GPATCH1: variants seen among roughly 807,000 people sequenced by gnomAD.
GPATCH1 encodes the protein G patch domain-containing protein 1.
In GPATCH1, 73 loss-of-function variants were observed where a neutral mutation model predicts 114.9. The observed-to-expected ratio is 0.64, with a 90% CI of 0.53 to 0.77. GPATCH1 has a LOEUF of 0.77. GPATCH1 is among the 30% of genes least tolerant of loss of function. The pLI is 0.00. For synonymous variants in GPATCH1, 391 were observed against 428.4 expected (o/e 0.91, Z 1.08); for missense variants, 1,058 against 1,144.3 (o/e 0.92, Z 1.09).
intron 15 of GPATCH1, 31 bp from the exon 16 acceptor site, chr19:33,117,794 A>G (rs756291850): frequency 4.0e-6 from 6 of 1,512,284 alleles, no homozygotes; most frequent in Non-Finnish European, 5.5e-6. Context: ...TTGCCTCTGT[A>G]TCCCTGACTC....
In GPATCH1 at chr19:33,082,428, A is replaced by G. The variant is rs551811585; in HGVS notation, c.73+1162A>G. On this transcript the variant is annotated intron_variant, in intron 1 of 19. Coordinates refer to ENST00000170564, the MANE Select transcript of GPATCH1 (RefSeq NM_018025.3). ...CCCTCCCTTTTTTCACCCTGACCAC[A>G]TCCTGCCAGGTTGATTGTACTTCTG... Among the ~76,000 whole-genome samples the G allele has an allele frequency of 2.2e-4, 34 of 152,248 alleles. 1 individual carries two copies. The highest frequency in any genetic ancestry group is 1.8e-3 in the Admixed American group (28 of 15,276).
intron 17 of GPATCH1, among the ~76,000 whole-genome samples, chr19:33,123,914 C>T (rs1289206154): frequency 6.6e-6 from 1 of 151,346 alleles, no homozygotes; most frequent in East Asian, 1.9e-4. Context: ...TGGAGTGTAG[C>T]ACGATCTCGG....
In GPATCH1 at chr19:33,111,914, C is replaced by A. The variant is rs1972860002; in HGVS notation, c.1764+12C>A. On this transcript the variant is annotated intron_variant, in intron 12 of 19. Transcript: ENST00000170564. ...CTCGAGACCAAGAGGTCTGTTGTCA[C>A]CATGTCCCTTACCTGGTGAACTTTA... 1 of 1,602,352 alleles carries A rather than the reference C, an allele frequency of 6.2e-7. No individual in the cohort carries two copies. The highest frequency in any genetic ancestry group is 1.7e-5 in the Admixed American group (1 of 59,786).
chr19:33,102,465 C>T lies in GPATCH1; in HGVS notation c.1080+891C>T, dbSNP rs371995984. Among the ~76,000 whole-genome samples the T allele has an allele frequency of 2.4e-4, 35 of 144,056 alleles. 3 individuals are homozygous for T. Among genetic ancestry groups the T allele is most frequent in the African/African-American group, 9.0e-4 (34 of 37,928 alleles). The allele number at this position is 144,056 out of a possible 152,430, so 94.5% of individuals were successfully genotyped here. Reference sequence around the variant, plus strand: ...AGGCTGCAGTGTAGTGATGCAATCTCAGCTCACCGCAACCTCCGCCTCCCA... The same window carrying T: ...AGGCTGCAGTGTAGTGATGCAATCTTAGCTCACCGCAACCTCCGCCTCCCA... On this transcript the variant is annotated intron_variant, in intron 9 of 19. Transcript: ENST00000170564.
At chr19:33,122,196 C>T (rs1416408533) in intron 17 of GPATCH1, among the ~76,000 whole-genome samples, 1 of 151,688 alleles carries the variant, frequency 6.6e-6, no homozygotes. Flanking sequence ...TTAGTAGAGA[C>T]GGGGTTTTAC....
Position 33,090,819 on chromosome 19 carries a change from G to C in GPATCH1, c.248G>C (p.Arg83Thr). 1 of 1,613,480 alleles carries C rather than the reference G, an allele frequency of 6.2e-7. No homozygotes were observed. The highest frequency in any genetic ancestry group is 1.3e-5 in the African/African-American group (1 of 75,014). ...PSTFVSSRQNRADKSVLGPED... is the reference protein window; with the variant it reads ...PSTFVSSRQNTADKSVLGPED... ...ACCTTTGTGTCTTCACGACAGAACA[G>C]AGCAGACAAATCTGTTCTTGGTCCT... The change falls in exon 3 of 20, where the codon AGA becomes ACA. Residue 83 changes from arginine (R) to threonine (T), a missense_variant. Arg to Thr is a moderately conservative substitution (Grantham distance 71, BLOSUM62 -1). This residue lies in a region of GPATCH1 where 131 missense variants were observed against 107.2 expected (regional missense o/e 1.22). Coordinates refer to ENST00000170564, the MANE Select transcript of GPATCH1 (RefSeq NM_018025.3).
Position 33,095,356 on chromosome 19 carries a change from G to A in GPATCH1, c.554-406G>A, listed in dbSNP as rs563839416. Among the ~76,000 whole-genome samples the A allele has an allele frequency of 4.8e-5, 7 of 146,708 alleles. No homozygotes were observed. In the South Asian group the frequency reaches 1.3e-3, roughly 28 times the overall value. On this transcript the variant is annotated intron_variant, in intron 5 of 19. Coordinates refer to ENST00000170564, the MANE Select transcript of GPATCH1 (RefSeq NM_018025.3). ...CGGCTCACTGCAACCTCTGCTTCCCGGTTCAAGCGATTCTCCTGCCTCAGC... is the reference window on the plus strand; with the variant it reads ...CGGCTCACTGCAACCTCTGCTTCCCAGTTCAAGCGATTCTCCTGCCTCAGC...
chr19:33,094,155 A>T lies in GPATCH1; in HGVS notation c.456-17A>T. The T allele has an allele frequency of 7.6e-7, 1 of 1,317,358 alleles. No homozygotes were observed. Among genetic ancestry groups the T allele is most frequent in the Non-Finnish European group, 1.1e-6 (1 of 910,628 alleles). 81.6% of individuals were successfully genotyped at this position (1,317,358 alleles called of 1,614,324 possible). ...TGTTATTTTGAAAAGTTCATTTTCA[A>T]TGCCTTGCTATCCTAGATTATCTGT... On this transcript the variant is annotated splice_polypyrimidine_tract_variant and intron_variant, in intron 4 of 19. Transcript: ENST00000170564.
intron 19 of GPATCH1, 31 bp from the exon 20 acceptor site, chr19:33,130,099 C>T (rs200104150): frequency 2.3e-4 from 363 of 1,597,118 alleles, no homozygotes; most frequent in Non-Finnish European, 2.8e-4. Flanking sequence ...AGCTAACTTT[C>T]CATTTCTCTC....
intron 15 of GPATCH1, among the ~76,000 whole-genome samples, chr19:33,115,400 C>T (rs895827037): frequency 1.3e-5 from 2 of 150,836 alleles, no homozygotes; most frequent in Admixed American, 1.3e-4. Context: ...TATGTAATAT[C>T]ATCTTTATCC....
intron 2 of GPATCH1, 77 bp from the exon 3 acceptor site, chr19:33,090,703 T>C: frequency 2.4e-6 from 2 of 850,690 alleles, no homozygotes; most frequent in Non-Finnish European, 4.0e-6. Flanking sequence ...TTCAAGTCCA[T>C]ACATGTTATT....
intron 17 of GPATCH1, among the ~76,000 whole-genome samples, chr19:33,121,388 C>T (rs1012103416): frequency 6.8e-5 from 10 of 146,256 alleles, no homozygotes; most frequent in African/African-American, 2.0e-4. Flanking sequence ...GGCGCAATCT[C>T]GGCTCACCGC....
intron 11 of GPATCH1, among the ~76,000 whole-genome samples, chr19:33,110,830 G>A (rs1036844081): frequency 2.0e-5 from 3 of 151,664 alleles, no homozygotes; most frequent in Non-Finnish European, 4.4e-5. Context: ...TTCAATAAAA[G>A]CATCATTTTG....
intron 19 of GPATCH1, 146 bp from the exon 20 acceptor site, chr19:33,129,984 C>A: frequency 1.7e-6 from 1 of 600,234 alleles, no homozygotes; most frequent in East Asian, 2.8e-5. Flanking sequence ...GGCAGTACTT[C>A]ATTGTGGGTT....
chr19:33,125,543 C>T (rs1188416201), intron 18 of GPATCH1, among the ~76,000 whole-genome samples: 1 of 151,844 alleles, frequency 6.6e-6, no homozygotes, highest in African/African-American at 2.4e-5. Context: ...CACCACCACA[C>T]CCGGCTAATT....
At chr19:33,127,798 TC>T (rs1372648660) in intron 19 of GPATCH1, among the ~76,000 whole-genome samples, 1 of 151,828 alleles carries the variant, frequency 6.6e-6, no homozygotes, top group African/African-American at 2.4e-5. Flanking sequence ...AACCTCTGCC[TC>T]CCGGGTTCAA....
intron 9 of GPATCH1, among the ~76,000 whole-genome samples, chr19:33,102,721 G>A (rs552748689): frequency 3.9e-5 from 6 of 152,140 alleles, no homozygotes; most frequent in Non-Finnish European, 5.9e-5. Flanking sequence ...CAAACTTCAA[G>A]TGAGTGGTTA....
chr19:33,094,245 A>G lies in GPATCH1; in HGVS notation c.529A>G (p.Arg177Gly). ...EGQGVGPRVK[R>G]RPRRQKPDPG... The stretch of plus-strand genomic sequence containing the variant: ...ACAAGGAGTTGGTCCTCGAGTAAAG[A>G]GACGGCCACGCCGACAGAAACCTGG... Residue 177 changes from arginine (R) to glycine (G), a missense_variant, in exon 5 of 20, where the codon AGA (arginine) becomes GGA (glycine). Arg to Gly is a moderately radical substitution (Grantham distance 125). Transcript: ENST00000170564. The G allele has an allele frequency of 6.2e-7, 1 of 1,602,928 alleles. No individual in the cohort carries two copies. The highest frequency in any genetic ancestry group is 8.5e-7 in the Non-Finnish European group (1 of 1,169,784).
Position 33,126,896 on chromosome 19 carries a change from C to T in GPATCH1, c.2765+163C>T, listed in dbSNP as rs111863365. On this transcript the variant is annotated intron_variant, in intron 19 of 19. Transcript: ENST00000170564. ...CTTTGGGAGGCTGAGGCAGGAGGATCGCTTGAGCCCAGGAGTTTGAGACCA... is the reference window on the plus strand; with the variant it reads ...CTTTGGGAGGCTGAGGCAGGAGGATTGCTTGAGCCCAGGAGTTTGAGACCA... 6.6e-3 allele frequency among the ~76,000 whole-genome samples: 1,011 copies of T among 152,032 alleles called. 14 individuals are homozygous for T. Among genetic ancestry groups the T allele is most frequent in the African/African-American group, 0.023 (961 of 41,480 alleles).
Sources: allele counts gnomAD v4.1 joint callset (sites outside exome capture counted in the v4.1 genomes callset), GRCh38; gene constraint gnomAD v4.1.1; regional missense constraint gnomAD v4.1.1; transcripts MANE v1.5; gene names NCBI Gene and HGNC (gene_info 2026-07-23, HGNC 2026-07-21).